The following ALKBH1 variants were observed in gnomAD, a reference collection of about 807,000 sequenced individuals.
ALKBH1 encodes the protein nucleic acid dioxygenase ALKBH1.
A neutral mutation model predicts 36.6 loss-of-function variants in ALKBH1; 31 were observed. The ratio of observed to expected loss-of-function variants is 0.85; its 90% CI spans 0.64 to 1.14. The LOEUF is 1.14. ALKBH1 is among the 50% of genes most tolerant of loss of function. The pLI, the probability that ALKBH1 is intolerant of heterozygous loss-of-function variation, is 0.00. For synonymous variants in ALKBH1, 183 were observed against 186.6 expected (o/e 0.98, Z 0.16); for missense variants, 490 against 497.3 (o/e 0.99, Z 0.14).
At chr14:77,700,604 A>C (rs1216276190) in intron 2 of ALKBH1, among the ~76,000 whole-genome samples, 4 of 152,102 alleles carry the variant, frequency 2.6e-5, no homozygotes, top group East Asian at 1.9e-4. Context: ...AAGATAGGAA[A>C]CCCCCCAACA....
At position 77,675,799 on chromosome 14, in the gene ALKBH1, G is replaced by A; in HGVS notation, c.597C>T (p.Leu199=). 1 of 1,614,106 alleles carries A rather than the reference G, an allele frequency of 6.2e-7. No homozygotes were observed. Among genetic ancestry groups the A allele is most frequent in the Non-Finnish European group, 8.5e-7 (1 of 1,180,004 alleles). Residue 199 remains leucine (L), a synonymous_variant, in exon 5 of 6, where the codon CTC becomes CTT. Coordinates refer to ENST00000216489, the MANE Select transcript of ALKBH1 (RefSeq NM_006020.3). The stretch of plus-strand genomic sequence containing the variant: ...CACAGGCAGCGGCTACTTGCTCTGA[G>A]AGGAAACCCAGGTCAGAAGGGAAAG... The part of the protein sequence containing the change: ...YTPFPSDLGF[L]SEQVAAACGF...
At chr14:77,683,161 TTTTTTTTTTTACAAACAGTCCAGGGGTA>T in intron 3 of ALKBH1, 1 of 532,724 alleles carries the variant, frequency 1.9e-6, no homozygotes, top group Non-Finnish European at 3.4e-6. Context: ...TTTTTTTTTT[TTTTTTTTTTTACAAACAGTCCAGGGGTA>T]TTTTAACACC....
At chr14:77,701,752 G>A (rs1022299995) in intron 2 of ALKBH1, among the ~76,000 whole-genome samples, 3 of 152,066 alleles carry the variant, frequency 2.0e-5, no homozygotes, top group African/African-American at 7.3e-5. Context: ...GCTTATAGGG[G>A]AAAGTAAGTA....
chr14:77,678,372 C>G (rs2080217588), intron 4 of ALKBH1, among the ~76,000 whole-genome samples: 1 of 152,028 alleles, frequency 6.6e-6, no homozygotes, highest in African/African-American at 2.4e-5. Context: ...ACAAATCTGT[C>G]ATCATTTGGA....
rs1405393240 is a variant in ALKBH1 at position 77,672,742 on chromosome 14, G to GA, written c.*1069dup. ...TATGATGAGGAAACCGAGGTCCAGA[G>GA]AAATGTAAAGTAACCTGGACCATGA... On this transcript the variant is annotated 3_prime_UTR_variant, in exon 6 of 6. Coordinates refer to ENST00000216489, the MANE Select transcript of ALKBH1 (RefSeq NM_006020.3). The GA allele has an allele frequency of 6.6e-6, 1 of 152,222 alleles. No individual in the cohort carries two copies. 9.4% of individuals were successfully genotyped at this position (152,222 alleles called of 1,614,324 possible).
In ALKBH1 at chr14:77,707,835, G is replaced by A; in HGVS notation, c.170C>T (p.Pro57Leu). 3 of 1,609,838 alleles carry A rather than the reference G, an allele frequency of 1.9e-6. No homozygotes were observed. The highest frequency in any genetic ancestry group is 2.5e-6 in the Non-Finnish European group (3 of 1,177,786). The change falls in exon 1 of 6, where the codon CCT becomes CTT. Residue 57 changes from proline (P) to leucine (L), a missense_variant. Physicochemically the swap from Pro to Leu is moderately conservative, Grantham distance 98 (BLOSUM62 -3). Coordinates refer to ENST00000216489, the MANE Select transcript of ALKBH1 (RefSeq NM_006020.3). ...SAAHAARGKGPGAQKVIKSQL... is the reference protein window; with the variant it reads ...SAAHAARGKGLGAQKVIKSQL... The stretch of plus-strand genomic sequence containing the variant: ...CTCTCTCTGTACCTTTTGGGCACCA[G>A]GACCCTTGCCACGGGCTGCGTGGGC...
intron 3 of ALKBH1, chr14:77,691,996 T>A (rs1035647632): frequency 3.3e-5 from 5 of 152,158 alleles, no homozygotes; most frequent in Non-Finnish European, 5.9e-5. Flanking sequence ...TAGACCAAGG[T>A]TTAAAAAAAA....
chr14:77,680,674 A>ACTCTCT (rs201552529), intron 3 of ALKBH1, among the ~76,000 whole-genome samples: 2 of 92,202 alleles, frequency 2.2e-5, no homozygotes, highest in African/African-American at 5.0e-5. Flanking sequence ...GTGATTAACT[A>ACTCTCT]CTCTTTTTTT....
At chr14:77,697,538 G>A (rs905872501) in intron 2 of ALKBH1, among the ~76,000 whole-genome samples, 12 of 151,972 alleles carry the variant, frequency 7.9e-5, no homozygotes, top group Non-Finnish European at 1.2e-4. Flanking sequence ...TGAAGATAGC[G>A]TCCCCTCCAG....
intron 4 of ALKBH1, among the ~76,000 whole-genome samples, chr14:77,677,318 G>A (rs1352895347): frequency 1.3e-5 from 2 of 152,150 alleles, no homozygotes; most frequent in African/African-American, 4.8e-5. Context: ...GGGAGTACAG[G>A]TGTGAGCCAC....
chr14:77,704,187 T>G (rs1481335647), intron 2 of ALKBH1, among the ~76,000 whole-genome samples, 182 bp downstream of exon 2: 2 of 152,198 alleles, frequency 1.3e-5, no homozygotes, highest in African/African-American at 4.8e-5. Flanking sequence ...TCCTGTTCTA[T>G]CCTTTCAAAA....
intron 3 of ALKBH1, 91 bp downstream of exon 3, chr14:77,694,647 C>T (rs1047588849): frequency 1.8e-6 from 2 of 1,108,578 alleles, no homozygotes; most frequent in Non-Finnish European, 2.4e-6. Context: ...CAGCCAGTCA[C>T]TTTTACTGCA....
Position 77,674,150 on chromosome 14 carries a change from T to C in ALKBH1, c.832A>G (p.Met278Val). ...TTCAAGAGGCGGCTGAAACCCGACA[T>C]TATCATGATGTCACCACTGTGCATA... ...MFMHSGDIMI[M>V]SGFSRLLNHA... is the part of the protein sequence containing the mutation. The change falls in exon 6 of 6, where the codon ATG becomes GTG. Residue 278 changes from methionine to valine, a missense_variant. By Grantham distance (21) the Met-to-Val change is conservative. Transcript: ENST00000216489. The C allele has an allele frequency of 6.2e-7, 1 of 1,614,194 alleles. No individual in the cohort carries two copies.
intron 3 of ALKBH1, among the ~76,000 whole-genome samples, chr14:77,686,287 T>C (rs183940777): frequency 6.6e-6 from 1 of 152,244 alleles, no homozygotes; most frequent in East Asian, 1.9e-4. Flanking sequence ...AGGGGGTGGG[T>C]TGTTCTCTTT....
intron 3 of ALKBH1, among the ~76,000 whole-genome samples, chr14:77,694,445 A>T (rs1419059699): frequency 3.9e-5 from 6 of 152,338 alleles, no homozygotes; most frequent in Admixed American, 3.9e-4. Flanking sequence ...GTAGAAAAAA[A>T]TGGCTGAAGC....
intron 4 of ALKBH1, among the ~76,000 whole-genome samples, chr14:77,677,665 ACT>A (rs2080213208): frequency 6.6e-6 from 1 of 151,848 alleles, no homozygotes; most frequent in Non-Finnish European, 1.5e-5. Flanking sequence ...TGTAAGGAAG[ACT>A]CTTGATGAAT....
At position 77,707,814 on chromosome 14, in the gene ALKBH1, C is replaced by A. The variant is rs745759036; in HGVS notation, c.183+8G>T. ...ATGGAGAGACGCGCGCCACTCCTCT[C>A]TCTGTACCTTTTGGGCACCAGGACC... On this transcript the variant is annotated splice_region_variant and intron_variant, in intron 1 of 5. Transcript: ENST00000216489. 2 of 1,599,688 alleles carry A rather than the reference C, an allele frequency of 1.3e-6. No homozygotes were observed. Among genetic ancestry groups the A allele is most frequent in the Admixed American group, 3.5e-5 (2 of 57,626 alleles).
Position 77,673,060 on chromosome 14 carries a change from G to A in ALKBH1, c.*752C>T, listed in dbSNP as rs1429577625. On this transcript the variant is annotated 3_prime_UTR_variant, in exon 6 of 6. Transcript: ENST00000216489. ...ATATAGATCTTTAATTTAAAATCAAGTGAGTTTATTCATGGAGAAAACAGT... is the reference window on the plus strand; with the variant it reads ...ATATAGATCTTTAATTTAAAATCAAATGAGTTTATTCATGGAGAAAACAGT... The A allele has an allele frequency of 1.3e-5, 2 of 152,186 alleles. No individual in the cohort carries two copies. The highest frequency in any genetic ancestry group is 2.9e-5 in the Non-Finnish European group (2 of 68,050). 9.4% of individuals were successfully genotyped at this position (152,186 alleles called of 1,614,324 possible). A position where few individuals can be genotyped will look rare whatever the true frequency, so the allele number is the denominator to read the frequency against.
chr14:77,684,551 A>G (rs10143249), intron 3 of ALKBH1, among the ~76,000 whole-genome samples: 71,243 of 151,682 alleles, frequency 0.47, 16,962 homozygotes, highest in African/African-American at 0.5. Flanking sequence ...AGTAGAGATG[A>G]GGTTTCACCA....
Sources: gnomAD v4.1 joint callset for allele counts (sites outside exome capture counted in the v4.1 genomes callset) on GRCh38, gnomAD v4.1.1 for gene constraint, MANE v1.5 for transcripts, NCBI Gene and HGNC (gene_info 2026-07-23, HGNC 2026-07-21) for gene names.